PCDHGA7: variants seen among roughly 807,000 people sequenced by gnomAD.
PCDHGA7 encodes the protein protocadherin gamma-A7.
In PCDHGA7, 44 loss-of-function variants were observed where a neutral mutation model predicts 58.3. The observed-to-expected ratio is 0.75, with a 90% CI of 0.59 to 0.97. The LOEUF is 0.97. Ranked by LOEUF, PCDHGA7 falls within the 50% of genes least tolerant of loss-of-function variation. The pLI is 0.00. For missense variants in PCDHGA7, 1,266 were observed against 1,188.7 expected (o/e 1.06, Z -0.96); for synonymous variants, 516 against 504.2 (o/e 1.02, Z -0.31).
At position 141,510,984 on chromosome 5, in the gene PCDHGA7, C is replaced by A. The variant is rs375865663; in HGVS notation, c.2610C>A (p.Ala870=). 6.2e-7 allele frequency: 1 copy of A among 1,614,162 alleles called. No individual in the cohort carries two copies. The highest frequency in any genetic ancestry group is 8.5e-7 in the Non-Finnish European group (1 of 1,180,012). The part of the protein sequence containing the change: ...ADGSSTLGGG[A]GTMGLSARYG... The stretch of plus-strand genomic sequence containing the variant: ...GGAGCTCCACCCTGGGAGGGGGTGC[C>A]GGCACCATGGGATTGAGCGCCCGCT... Residue 870 remains alanine, a synonymous_variant, in exon 4 of 4, where the codon GCC becomes GCA. Coordinates refer to ENST00000518325, the MANE Select transcript of PCDHGA7 (RefSeq NM_018920.4).
intron 1 of PCDHGA7, among the ~76,000 whole-genome samples, chr5:141,480,408 C>A (rs371569489): frequency 7.2e-6 from 1 of 138,932 alleles, no homozygotes; most frequent in African/African-American, 2.9e-5. Flanking sequence ...GAGTGAGACC[C>A]TGTCTCAAAA....
rs371490086 is a variant in PCDHGA7 at position 141,405,329 on chromosome 5, G to A, written c.2424+20006G>A. 241 of 1,614,168 alleles carry A rather than the reference G, an allele frequency of 1.5e-4. No individual in the cohort carries two copies. Among genetic ancestry groups the A allele is most frequent in the African/African-American group, 1.1e-3 (80 of 75,034 alleles). The stretch of plus-strand genomic sequence containing the variant: ...CTGTGAGAAAAATGAGCCTTTGTGC[G>A]TCTCTGTTGATTCCAAGTTTCCTAT... On this transcript the variant is annotated intron_variant, in intron 1 of 3. Coordinates refer to ENST00000518325, the MANE Select transcript of PCDHGA7 (RefSeq NM_018920.4).
In PCDHGA7 at chr5:141,487,917, CTACAGTGCACAGGG is replaced by C; in HGVS notation, c.2425-6879_2425-6866del. On this transcript the variant is annotated intron_variant, in intron 1 of 3. Coordinates refer to ENST00000518325, the MANE Select transcript of PCDHGA7 (RefSeq NM_018920.4). The surrounding 1 kb of genome is among the most constrained non-coding windows in gnomAD (Gnocchi z 5.0). ...TGATGGAATGTGGGAGCACAGGAGG[CTACAGTGCACAGGG>C]TACAGTGCACCAGGCAGTCACTTGG... 1 of 647,994 alleles carries C rather than the reference CTACAGTGCACAGGG, an allele frequency of 1.5e-6. No homozygotes were observed. The highest frequency in any genetic ancestry group is 2.7e-6 in the Non-Finnish European group (1 of 377,182). 40.1% of individuals were successfully genotyped at this position (647,994 alleles called of 1,614,324 possible).
At chr5:141,414,155 A>G in intron 1 of PCDHGA7, 1 of 1,601,706 alleles carries the variant, frequency 6.2e-7, no homozygotes, top group Non-Finnish European at 8.5e-7. Context: ...CAAGCAGAAG[A>G]TGGAGGAGCA....
At chr5:141,403,102 G>T (rs765706858) in intron 1 of PCDHGA7, 1 of 1,614,046 alleles carries the variant, frequency 6.2e-7, no homozygotes, top group Admixed American at 1.7e-5. Context: ...ACATCTCCAA[G>T]GACCTGGCTC....
chr5:141,401,830 T>C (rs950842785), intron 1 of PCDHGA7, among the ~76,000 whole-genome samples: 4 of 152,216 alleles, frequency 2.6e-5, no homozygotes, highest in Admixed American at 1.3e-4. Context: ...TGCTGAGATT[T>C]CTTATAATAC....
Position 141,431,872 on chromosome 5 carries a change from A to G in PCDHGA7, c.2424+46549A>G, listed in dbSNP as rs2097425104. 5 of 1,614,222 alleles carry G rather than the reference A, an allele frequency of 3.1e-6. No individual in the cohort carries two copies. The highest frequency in any genetic ancestry group is 4.2e-6 in the Non-Finnish European group (5 of 1,180,002). ...GGACATTAATTGCCCTTTTAAATGT[A>G]AATGACCAAGATTCTGAGGAAAACG... On this transcript the variant is annotated intron_variant, in intron 1 of 3. Transcript: ENST00000518325. The surrounding 1 kb of genome is among the most constrained non-coding windows in gnomAD (Gnocchi z 4.8).
chr5:141,431,506 G>T lies in PCDHGA7; in HGVS notation c.2424+46183G>T. 1.2e-6 allele frequency: 2 copies of T among 1,613,988 alleles called. No homozygotes were observed. Among genetic ancestry groups the T allele is most frequent in the South Asian group, 2.2e-5 (2 of 91,084 alleles). The stretch of plus-strand genomic sequence containing the variant: ...CGTTTGCTCAGCCCGAGTACCGCGC[G>T]AGCGTTCCGGAGAATCTGGCCTTGG... On this transcript the variant is annotated intron_variant, in intron 1 of 3. Coordinates refer to ENST00000518325, the MANE Select transcript of PCDHGA7 (RefSeq NM_018920.4). This position sits in a 1 kb window ranked among gnomAD's most constrained non-coding sequence, Gnocchi z 4.8.
intron 1 of PCDHGA7, chr5:141,413,063 T>G: frequency 1.8e-6 from 2 of 1,142,610 alleles, no homozygotes; most frequent in East Asian, 5.1e-5. Context: ...CACTCCAGAA[T>G]TTAAAGTGCC....
intron 2 of PCDHGA7, among the ~76,000 whole-genome samples, chr5:141,496,347 T>C (rs1168306693): frequency 6.6e-6 from 1 of 152,198 alleles, no homozygotes; most frequent in Non-Finnish European, 1.5e-5. Context: ...TGGAGGAGTC[T>C]CAGAGCCCAG....
intron 1 of PCDHGA7, among the ~76,000 whole-genome samples, chr5:141,445,415 C>A (rs1235584061): frequency 6.6e-6 from 1 of 152,140 alleles, no homozygotes; most frequent in Non-Finnish European, 1.5e-5. Context: ...TAACTGTCTG[C>A]TATATGCAAG....
chr5:141,432,870 T>C lies in PCDHGA7; in HGVS notation c.2424+47547T>C, dbSNP rs1022024380. The stretch of plus-strand genomic sequence containing the variant: ...GCGGTGGCCGCGGTCTCCTGCGTCT[T>C]CCTGGCCTTCGTCATCTTGCTGCTG... On this transcript the variant is annotated intron_variant, in intron 1 of 3. Transcript: ENST00000518325. This position sits in a 1 kb window ranked among gnomAD's most constrained non-coding sequence, Gnocchi z 6.0. The C allele has an allele frequency of 1.9e-6, 3 of 1,614,030 alleles. No homozygotes were observed. In the African/African-American group the frequency reaches 4.0e-5, roughly 22 times the overall value.
At position 141,383,792 on chromosome 5, in the gene PCDHGA7, C is replaced by T. The variant is rs766483523; in HGVS notation, c.893C>T (p.Thr298Ile). Residue 298 changes from threonine to isoleucine, a missense_variant, in exon 1 of 4, where the codon ACA (threonine) becomes ATA (isoleucine). Coordinates refer to ENST00000518325, the MANE Select transcript of PCDHGA7 (RefSeq NM_018920.4). ...AAGATGTTTCATCTGAACTCGCTTA[C>T]AGGAGAAATATCAACTTTAGAAGGA... ...LPKMFHLNSLTGEISTLEGLD... is the reference protein window; with the variant it reads ...LPKMFHLNSLIGEISTLEGLD... 2 of 1,613,914 alleles carry T rather than the reference C, an allele frequency of 1.2e-6. No homozygotes were observed. The highest frequency in any genetic ancestry group is 1.1e-5 in the South Asian group (1 of 91,080).
At chr5:141,385,566 C>T in intron 1 of PCDHGA7, 1 of 1,303,468 alleles carries the variant, frequency 7.7e-7, no homozygotes, top group Non-Finnish European at 9.7e-7. Context: ...TAATTTCCAC[C>T]TACTTTCCAA....
In PCDHGA7 at chr5:141,493,164, T is replaced by C. The variant is rs558860783; in HGVS notation, c.2425-1643T>C. Among the ~76,000 whole-genome samples the C allele has an allele frequency of 4.6e-5, 7 of 152,340 alleles. 1 individual carries two copies. The South Asian group carries it at 1.2e-3, about 27-fold the overall frequency. On this transcript the variant is annotated intron_variant, in intron 1 of 3. Coordinates refer to ENST00000518325, the MANE Select transcript of PCDHGA7 (RefSeq NM_018920.4). The surrounding 1 kb of genome is among the most constrained non-coding windows in gnomAD (Gnocchi z 4.3). Reference sequence around the variant, plus strand: ...ACCCCCAGGTGATTTTGATAGCTGATTGAGAGAAACTTACTATATAACTCC... The same window carrying C: ...ACCCCCAGGTGATTTTGATAGCTGACTGAGAGAAACTTACTATATAACTCC...
intron 1 of PCDHGA7, among the ~76,000 whole-genome samples, chr5:141,454,796 ATTTTTTTTTTTTTT>A (rs61612330): frequency 5.2e-5 from 4 of 77,408 alleles, no homozygotes; most frequent in Non-Finnish European, 9.3e-5. Flanking sequence ...CATGGTTCTA[ATTTTTTTTTTTTTT>A]TTTTTTTTTT....
intron 1 of PCDHGA7, chr5:141,419,774 C>T (rs2096431329): frequency 6.2e-7 from 1 of 1,613,902 alleles, no homozygotes; most frequent in Admixed American, 1.7e-5. Flanking sequence ...GGACTCGGTC[C>T]GCCAGCGCCT....
rs746539261 is a variant in PCDHGA7, at chr5:141,415,336, C to A, written c.2424+30013C>A. On this transcript the variant is annotated intron_variant, in intron 1 of 3. Transcript: ENST00000518325. ...CATCGTGCTGCTGGCGCACAGGCTG[C>A]GGCGCTGGCACAAGTCACGCCTGCT... 7 of 1,614,200 alleles carry A rather than the reference C, an allele frequency of 4.3e-6. 1 individual carries two copies. The South Asian group carries it at 7.7e-5, about 18-fold the overall frequency.
At chr5:141,428,197 G>C in intron 1 of PCDHGA7, 3 of 1,385,972 alleles carry the variant, frequency 2.2e-6, no homozygotes, top group Non-Finnish European at 3.0e-6. Flanking sequence ...CGCTCTCTGC[G>C]CCGCTACGCT....
Sources: allele counts gnomAD v4.1 joint callset (sites outside exome capture counted in the v4.1 genomes callset), GRCh38; gene constraint gnomAD v4.1.1; non-coding constraint Gnocchi (gnomAD v3.1); transcripts MANE v1.5; gene names NCBI Gene and HGNC (gene_info 2026-07-23, HGNC 2026-07-21).